The following PIK3C3 variants were observed in gnomAD, a reference collection of about 807,000 sequenced individuals.
PIK3C3 encodes phosphatidylinositol 3-kinase catalytic subunit type 3, also known as PI3-kinase type 3.
A neutral mutation model predicts 126.1 loss-of-function variants in PIK3C3; 95 were observed. The observed-to-expected ratio is 0.75, with a 90% CI of 0.64 to 0.89. The LOEUF (loss-of-function observed/expected upper bound fraction) is 0.89. PIK3C3 is among the 40% of genes least tolerant of loss of function. The pLI, the probability that PIK3C3 is intolerant of heterozygous loss-of-function variation, is 0.00. For missense variants in PIK3C3, 829 were observed against 1,063.2 expected, an observed-to-expected ratio of 0.78 and a Z score of 3.06; for synonymous variants, 374 against 360.0, an observed-to-expected ratio of 1.04 and a Z score of -0.44.
At chr18:42,056,172 T>C (rs1265263746) in intron 21 of PIK3C3, among the ~76,000 whole-genome samples, 1 of 152,130 alleles carries the variant, frequency 6.6e-6, no homozygotes, top group African/African-American at 2.4e-5. Flanking sequence ...CTTCAGTATT[T>C]ATGAAGATGA....
rs1986233259 is a variant in PIK3C3, at chr18:42,081,124, A to G, written c.2651A>G (p.Tyr884Cys). ...VVEQIHKFAQYWRK is the reference protein window; with the variant it reads ...VVEQIHKFAQCWRK ...TTTATTTCTTTTTAATTTTTGTAGT[A>G]CTGGAGAAAATGAAACTGGGATTGA... is the stretch of plus-strand genomic sequence containing the variant. The change falls in exon 25 of 25, where the codon TAC becomes TGC. Residue 884 changes from tyrosine (Y) to cysteine (C), a missense_variant and splice_region_variant. By Grantham distance (194) the Tyr-to-Cys change is radical. Around this residue, in one of 4 missense-constraint regions of PIK3C3, gnomAD observed 196 missense variants for 312.8 expected, o/e 0.63. Transcript: ENST00000262039. The G allele has an allele frequency of 6.5e-7, 1 of 1,548,362 alleles. No homozygotes were observed. The highest frequency in any genetic ancestry group is 8.9e-7 in the Non-Finnish European group (1 of 1,126,366).
chr18:42,015,763 T>TA (rs1312546533), intron 12 of PIK3C3, among the ~76,000 whole-genome samples, 197 bp downstream of exon 12: 18 of 152,168 alleles, frequency 1.2e-4, no homozygotes, highest in Non-Finnish European at 2.1e-4. Flanking sequence ...AGTCATTTTA[T>TA]TGGTGCTTTG....
intron 4 of PIK3C3, among the ~76,000 whole-genome samples, chr18:41,983,356 C>CTT (rs1015141998): frequency 6.8e-6 from 1 of 146,128 alleles, no homozygotes. Context: ...GGGCAGGAAT[C>CTT]TTTTTTTTTT....
At position 42,027,510 on chromosome 18, in the gene PIK3C3, T is replaced by G; in HGVS notation, c.1552T>G (p.Leu518Val). The change falls in exon 14 of 25, where the codon TTG becomes GTG. Residue 518 changes from leucine to valine, a missense_variant. This residue lies in a region of PIK3C3 where 256 missense variants were observed against 291.0 expected (regional missense o/e 0.88). Transcript: ENST00000262039. ...QRDPKTHEMY[L>V]NVMRRFSQAL... Reference sequence around the variant, plus strand: ...AGATCCAAAGACCCATGAGATGTACTTGAACGTAATGAGAAGATTCAGCCA... The same window carrying G: ...AGATCCAAAGACCCATGAGATGTACGTGAACGTAATGAGAAGATTCAGCCA... 1 of 1,612,040 alleles carries G rather than the reference T, an allele frequency of 6.2e-7. No homozygotes were observed. The highest frequency in any genetic ancestry group is 8.5e-7 in the Non-Finnish European group (1 of 1,178,388).
At chr18:42,000,977 A>G (rs978812022) in intron 9 of PIK3C3, among the ~76,000 whole-genome samples, 1 of 152,188 alleles carries the variant, frequency 6.6e-6, no homozygotes, top group Non-Finnish European at 1.5e-5. Flanking sequence ...AGATGTTTTC[A>G]TGTTTGAGTA....
intron 24 of PIK3C3, among the ~76,000 whole-genome samples, chr18:42,069,712 T>C (rs1985697631): frequency 6.6e-6 from 1 of 152,326 alleles, no homozygotes; most frequent in African/African-American, 2.4e-5. Context: ...TGTAGAAATA[T>C]CTCTCCATCA....
Position 42,087,121 on chromosome 18 carries a change from ATAGGAGAATTTAGGACACAGACACACG to A in PIK3C3, c.*5985_*6011del, listed in dbSNP as rs1986415708. On this transcript the variant is annotated 3_prime_UTR_variant, in exon 25 of 25. Transcript: ENST00000262039. ...AGTACATACCCTGGGGTTCATTGTT[ATAGGAGAATTTAGGACACAGACACACG>A]AGGAGTTTAGGAGCAGAGGTTTAAT... 1 of 152,110 alleles carries A rather than the reference ATAGGAGAATTTAGGACACAGACACACG, an allele frequency of 6.6e-6. No homozygotes were observed. Among genetic ancestry groups the A allele is most frequent in the Admixed American group, 6.6e-5 (1 of 15,266 alleles). The allele number at this position is 152,110 out of a possible 1,614,324, so 9.4% of individuals were successfully genotyped here.
chr18:41,993,010 A>G (rs1981853794), intron 6 of PIK3C3, among the ~76,000 whole-genome samples: 1 of 152,152 alleles, frequency 6.6e-6, no homozygotes, highest in Middle Eastern at 3.2e-3. Flanking sequence ...ACTCGAAACA[A>G]TCTAATTTCC....
intron 20 of PIK3C3, among the ~76,000 whole-genome samples, chr18:42,044,794 A>G (rs1309356721): frequency 6.6e-6 from 1 of 152,098 alleles, no homozygotes; most frequent in African/African-American, 2.4e-5. Flanking sequence ...TTGACACTAG[A>G]GTTGAGCCCT....
chr18:41,956,871 A>C (rs1248460087), intron 1 of PIK3C3, among the ~76,000 whole-genome samples: 1 of 152,190 alleles, frequency 6.6e-6, no homozygotes, highest in Admixed American at 6.5e-5. Context: ...AATATGGTGA[A>C]AATTATGTAA....
chr18:42,011,754 A>C (rs1982836687), intron 10 of PIK3C3, among the ~76,000 whole-genome samples: 1 of 152,230 alleles, frequency 6.6e-6, no homozygotes, highest in South Asian at 2.1e-4. Flanking sequence ...CACTAAGCTT[A>C]ATCATTTCTA....
intron 22 of PIK3C3, among the ~76,000 whole-genome samples, chr18:42,061,456 C>T (rs1275877531): frequency 6.6e-6 from 1 of 152,138 alleles, no homozygotes; most frequent in African/African-American, 2.4e-5. Context: ...AGTGGCACTG[C>T]CTGTAGTCCC....
In PIK3C3 at chr18:42,067,608, CTTTTCTGT is replaced by C. The variant is rs1032581995; in HGVS notation, c.2649+102_2649+109del. ...ATGCATTTCTCCTGCCAGTTGACAT[CTTTTCTGT>C]TTTTCTATCAAGTCGTTTTGACATC... On this transcript the variant is annotated intron_variant, in intron 24 of 24. Coordinates refer to ENST00000262039, the MANE Select transcript of PIK3C3 (RefSeq NM_002647.4). 5.9e-6 allele frequency: 8 copies of C among 1,361,170 alleles called. No individual in the cohort carries two copies. The African/African-American group carries it at 1.2e-4, about 20-fold the overall frequency. The allele number at this position is 1,361,170 out of a possible 1,614,324, so 84.3% of individuals were successfully genotyped here. A position where few individuals can be genotyped will look rare whatever the true frequency, so the allele number is the denominator to read the frequency against.
At chr18:42,020,726 GTTTA>G in intron 13 of PIK3C3, 21 bp downstream of exon 13, 1 of 1,404,352 alleles carries the variant, frequency 7.1e-7, no homozygotes, top group Non-Finnish European at 1.0e-6. Flanking sequence ...ATAATTTTCT[GTTTA>G]TTTTCTTATT....
chr18:41,963,997 TGAATC>T (rs1007170797), intron 3 of PIK3C3, among the ~76,000 whole-genome samples: 2 of 152,142 alleles, frequency 1.3e-5, no homozygotes, highest in Non-Finnish European at 2.9e-5. Flanking sequence ...ATTATTATCT[TGAATC>T]TATCAGTTTT....
In PIK3C3 at chr18:41,955,361, T is replaced by C; in HGVS notation, c.68+2T>C. 6.2e-7 allele frequency: 1 copy of C among 1,611,868 alleles called. No homozygotes were observed. The highest frequency in any genetic ancestry group is 8.5e-7 in the Non-Finnish European group (1 of 1,178,520). On this transcript the variant is annotated splice_donor_variant, in intron 1 of 24. Coordinates refer to ENST00000262039, the MANE Select transcript of PIK3C3 (RefSeq NM_002647.4). LOFTEE classifies it high-confidence loss of function. ...GGATATCAACGTCCAGCTTAAGATG[T>C]AAGAGAACACTCGGGACAGGGAGTG...
At chr18:42,067,940 C>A (rs1985610721) in intron 24 of PIK3C3, among the ~76,000 whole-genome samples, 1 of 152,176 alleles carries the variant, frequency 6.6e-6, no homozygotes, top group Non-Finnish European at 1.5e-5. Context: ...TTAGCAGTAT[C>A]CACAGATAAG....
At chr18:42,076,917 C>T (rs1986055017) in intron 24 of PIK3C3, among the ~76,000 whole-genome samples, 1 of 152,118 alleles carries the variant, frequency 6.6e-6, no homozygotes, top group Admixed American at 6.5e-5. Context: ...TTCAAATGTA[C>T]AGTAGTTGAA....
chr18:41,991,240 C>A (rs1981761609), intron 6 of PIK3C3, among the ~76,000 whole-genome samples: 1 of 152,012 alleles, frequency 6.6e-6, no homozygotes, highest in South Asian at 2.1e-4. Context: ...TAATTGTATG[C>A]AGGCCAGGTG....
Sources: allele counts gnomAD v4.1 joint callset (sites outside exome capture counted in the v4.1 genomes callset), GRCh38; gene constraint gnomAD v4.1.1; regional missense constraint gnomAD v4.1.1; transcripts MANE v1.5; gene names NCBI Gene and HGNC (gene_info 2026-07-23, HGNC 2026-07-21).